Variants in BABAM2 observed in about 807,000 individuals in gnomAD.
BABAM2 encodes the protein BRISC and BRCA1 A complex member 2.
A neutral mutation model predicts 54.7 loss-of-function variants in BABAM2; 31 were observed. That is an observed-to-expected ratio of 0.57 (90% CI 0.43 to 0.77). The LOEUF is 0.77. Among genes scored for constraint, BABAM2 ranks in the 30% least tolerant of loss-of-function variants. BABAM2 has a pLI of 0.00. For missense variants in BABAM2, 364 were observed against 455.8 expected (o/e 0.80, Z 1.83); for synonymous variants, 167 against 162.9 (o/e 1.03, Z -0.19).
At chr2:28,294,630 C>T (rs1031027903) in intron 10 of BABAM2, among the ~76,000 whole-genome samples, 2 of 152,004 alleles carry the variant, frequency 1.3e-5, no homozygotes, top group African/African-American at 4.8e-5. Flanking sequence ...CTAAGTTGTA[C>T]CATTCAAATC....
chr2:27,893,029 T>C (rs60765826), intron 1 of BABAM2, among the ~76,000 whole-genome samples: 8,231 of 152,278 alleles, frequency 0.054, 632 homozygotes, highest in African/African-American at 0.17. Flanking sequence ...GAAACAGGTT[T>C]TAATTTTCAA....
At chr2:28,027,771 C>T (rs142616357) in intron 5 of BABAM2, among the ~76,000 whole-genome samples, 102 of 152,268 alleles carry the variant, frequency 6.7e-4, no homozygotes, top group African/African-American at 2.3e-3. Context: ...TGTAAGCATT[C>T]GTGTGTAAGT....
intron 6 of BABAM2, among the ~76,000 whole-genome samples, chr2:28,068,736 A>G (rs1573513956): frequency 6.6e-6 from 1 of 152,206 alleles, no homozygotes; most frequent in Non-Finnish European, 1.5e-5. Flanking sequence ...AATGAAAGAT[A>G]GAGAATGCTA....
intron 7 of BABAM2, among the ~76,000 whole-genome samples, chr2:28,234,055 T>C (rs1317080236): frequency 1.3e-5 from 2 of 151,924 alleles, no homozygotes; most frequent in Non-Finnish European, 2.9e-5. Context: ...ATGATTAAAA[T>C]CCCCCTCCTC....
At chr2:28,294,379 CAA>C (rs113383946) in intron 10 of BABAM2, among the ~76,000 whole-genome samples, 31 of 92,948 alleles carry the variant, frequency 3.3e-4, no homozygotes, top group Admixed American at 2.4e-4. Flanking sequence ...GACTCCATCT[CAA>C]AAAAAAAAAA....
At chr2:28,126,073 T>G (rs1269662337) in intron 6 of BABAM2, among the ~76,000 whole-genome samples, 1 of 152,214 alleles carries the variant, frequency 6.6e-6, no homozygotes, top group Non-Finnish European at 1.5e-5. Context: ...GCTTTTACTT[T>G]ATAAATTTCT....
At chr2:27,963,469 CAAA>C (rs760525051) in intron 3 of BABAM2, among the ~76,000 whole-genome samples, 1 of 54,402 alleles carries the variant, frequency 1.8e-5, no homozygotes, top group Admixed American at 2.1e-4. Flanking sequence ...GACTCTTTCT[CAAA>C]AAAAAAAAAA....
At chr2:28,178,844 G>T (rs1675308692) in intron 7 of BABAM2, among the ~76,000 whole-genome samples, 1 of 151,836 alleles carries the variant, frequency 6.6e-6, no homozygotes, top group Non-Finnish European at 1.5e-5. Flanking sequence ...AAGATCATCA[G>T]ATTCTATTAT....
At chr2:27,945,993 A>T (rs1002284636) in intron 3 of BABAM2, among the ~76,000 whole-genome samples, 1 of 152,028 alleles carries the variant, frequency 6.6e-6, no homozygotes, top group Non-Finnish European at 1.5e-5. Flanking sequence ...TTCCTTTCCA[A>T]TCTATATAAT....
chr2:28,184,720 C>T (rs1330280953), intron 7 of BABAM2, among the ~76,000 whole-genome samples: 3 of 152,070 alleles, frequency 2.0e-5, no homozygotes, highest in African/African-American at 7.2e-5. Flanking sequence ...TCCAGTCTAT[C>T]ATTGATGGAC....
At chr2:28,005,909 A>G (rs1673926817) in intron 4 of BABAM2, among the ~76,000 whole-genome samples, 1 of 152,112 alleles carries the variant, frequency 6.6e-6, no homozygotes, top group African/African-American at 2.4e-5. Context: ...ATTTCAGTAT[A>G]ATATGCAAAA....
chr2:28,152,078 G>T (rs1672105993), intron 7 of BABAM2, among the ~76,000 whole-genome samples: 1 of 152,176 alleles, frequency 6.6e-6, no homozygotes, highest in South Asian at 2.1e-4. Context: ...ATAAACTCAG[G>T]TGGAGATGCT....
intron 6 of BABAM2, among the ~76,000 whole-genome samples, chr2:28,090,623 A>T (rs187366199): frequency 7.2e-4 from 109 of 152,268 alleles, no homozygotes; most frequent in Admixed American, 3.3e-3. Flanking sequence ...AAGTTGAAAT[A>T]CATAGGTATG....
chr2:28,026,397 C>T (rs1417960035), intron 5 of BABAM2, among the ~76,000 whole-genome samples: 3 of 151,956 alleles, frequency 2.0e-5, no homozygotes, highest in Non-Finnish European at 4.4e-5. Context: ...GAATACTATG[C>T]AGCCATAAAA....
intron 6 of BABAM2, among the ~76,000 whole-genome samples, chr2:28,050,128 G>A (rs1010133190): frequency 6.6e-6 from 1 of 152,170 alleles, no homozygotes; most frequent in Non-Finnish European, 1.5e-5. Context: ...TTGATAATTT[G>A]GGACTGGTGT....
At chr2:28,054,178 T>C (rs1265152894) in intron 6 of BABAM2, among the ~76,000 whole-genome samples, 1 of 152,092 alleles carries the variant, frequency 6.6e-6, no homozygotes, top group African/African-American at 2.4e-5. Context: ...AGACACCTGG[T>C]GCATCATAAA....
At chr2:27,938,753 T>G (rs1668666449) in intron 3 of BABAM2, among the ~76,000 whole-genome samples, 1 of 152,092 alleles carries the variant, frequency 6.6e-6, no homozygotes, top group African/African-American at 2.4e-5. Flanking sequence ...AAGAGGAAAA[T>G]GAGTAAGTAT....
chr2:28,178,014 C>A (rs1206247106), intron 7 of BABAM2, among the ~76,000 whole-genome samples: 1 of 152,126 alleles, frequency 6.6e-6, no homozygotes, highest in Non-Finnish European at 1.5e-5. Flanking sequence ...AGTATTAGAT[C>A]TAAAGGGAGA....
At chr2:27,966,676 T>C (rs559899692) in intron 3 of BABAM2, among the ~76,000 whole-genome samples, 89 of 152,346 alleles carry the variant, frequency 5.8e-4, no homozygotes, top group Middle Eastern at 3.4e-3. Flanking sequence ...TGTGAGAAAT[T>C]GCTGTACTCT....
Sources: gnomAD v4.1 joint callset for allele counts (sites outside exome capture counted in the v4.1 genomes callset) on GRCh38, gnomAD v4.1.1 for gene constraint, MANE v1.5 for transcripts, NCBI Gene and HGNC (gene_info 2026-07-23, HGNC 2026-07-21) for gene names.